SHISA9: variants seen among roughly 807,000 people sequenced by gnomAD.
SHISA9 encodes shisa family member 9, also known as protein shisa-9.
In SHISA9, 13 loss-of-function variants were observed where a neutral mutation model predicts 38.0. The ratio of observed to expected loss-of-function variants is 0.34; its 90% CI spans 0.22 to 0.54. The LOEUF (loss-of-function observed/expected upper bound fraction) is 0.54. SHISA9 is among the 20% of genes least tolerant of loss of function. SHISA9 has a pLI of 0.91. For missense variants in SHISA9, 538 were observed against 575.8 expected, an observed-to-expected ratio of 0.93 and a Z score of 0.67; for synonymous variants, 275 against 242.0, an observed-to-expected ratio of 1.14 and a Z score of -1.27.
At chr16:13,071,203 T>G (rs2073509664) in intron 2 of SHISA9, among the ~76,000 whole-genome samples, 1 of 152,156 alleles carries the variant, frequency 6.6e-6, no homozygotes, top group Non-Finnish European at 1.5e-5. Flanking sequence ...ATTTTACAAT[T>G]TAAAAAAAAG....
chr16:13,195,893 G>C (rs951210807), intron 2 of SHISA9, among the ~76,000 whole-genome samples: 2 of 151,332 alleles, frequency 1.3e-5, no homozygotes. Flanking sequence ...TTCAAGATCA[G>C]CTTGGCCAAC....
the SHISA9 span, among the ~76,000 whole-genome samples, chr16:13,506,992 A>G: frequency 3.3e-5 from 5 of 152,024 alleles, no homozygotes; most frequent in East Asian, 1.9e-4. Context: ...GCAGTGAGCT[A>G]TGATTGTACC....
At chr16:13,280,462 C>A in the SHISA9 span, among the ~76,000 whole-genome samples, 1 of 151,670 alleles carries the variant, frequency 6.6e-6, no homozygotes, top group African/African-American at 2.4e-5. Flanking sequence ...GGACTGCTTT[C>A]ATTGAATCTC....
At chr16:13,110,363 G>A (rs1406121078) in intron 2 of SHISA9, among the ~76,000 whole-genome samples, 1 of 152,188 alleles carries the variant, frequency 6.6e-6, no homozygotes, top group Non-Finnish European at 1.5e-5. Flanking sequence ...CAGATGCAGT[G>A]GCTGTAAAAG....
intron 2 of SHISA9, among the ~76,000 whole-genome samples, chr16:13,135,390 T>A (rs998479927): frequency 6.6e-6 from 1 of 152,148 alleles, no homozygotes; most frequent in Non-Finnish European, 1.5e-5. Flanking sequence ...AACTAACAGC[T>A]CCTTCATCTG....
At chr16:13,136,396 CTTTTTT>C (rs35122409) in intron 2 of SHISA9, among the ~76,000 whole-genome samples, 1 of 68,090 alleles carries the variant, frequency 1.5e-5, no homozygotes, top group Non-Finnish European at 2.7e-5. Flanking sequence ...CAGTTTCCTT[CTTTTTT>C]TTTTTTTTTT....
At chr16:13,032,137 G>C (rs6498370) in intron 2 of SHISA9, among the ~76,000 whole-genome samples, 1 of 151,934 alleles carries the variant, frequency 6.6e-6, no homozygotes, top group Non-Finnish European at 1.5e-5. Context: ...TAAGCCCCGC[G>C]TGCATTAGGT....
chr16:13,279,068 C>T, the SHISA9 span, among the ~76,000 whole-genome samples: 1 of 151,942 alleles, frequency 6.6e-6, no homozygotes, highest in Non-Finnish European at 1.5e-5. Flanking sequence ...TTCCTCTTTG[C>T]ACTGCCTTTG....
chr16:13,391,978 T>C, the SHISA9 span, among the ~76,000 whole-genome samples: 22 of 152,314 alleles, frequency 1.4e-4, no homozygotes, highest in Non-Finnish European at 5.9e-5. Flanking sequence ...TGTCTGATGG[T>C]CCCGGTTTGC....
intron 2 of SHISA9, among the ~76,000 whole-genome samples, chr16:12,986,571 G>C (rs1222026890): frequency 6.6e-6 from 1 of 152,182 alleles, no homozygotes; most frequent in Non-Finnish European, 1.5e-5. Flanking sequence ...GGTCTTTTCA[G>C]ACTGGATATT....
the SHISA9 span, among the ~76,000 whole-genome samples, chr16:13,479,945 G>A: frequency 2.0e-3 from 307 of 152,256 alleles, 1 homozygote; most frequent in African/African-American, 7.0e-3. Flanking sequence ...CTTAGGAGGC[G>A]GACTGACCTG....
At chr16:12,937,497 A>G (rs1171394039) in intron 2 of SHISA9, among the ~76,000 whole-genome samples, 1 of 152,244 alleles carries the variant, frequency 6.6e-6, no homozygotes. Context: ...TTGGCCTAAC[A>G]AAATAACACA....
At chr16:13,074,658 T>G (rs2073559612) in intron 2 of SHISA9, among the ~76,000 whole-genome samples, 1 of 151,394 alleles carries the variant, frequency 6.6e-6, no homozygotes, top group African/African-American at 2.4e-5. Flanking sequence ...TCTTTTCTCT[T>G]TTTCTTTTTC....
At chr16:13,422,630 A>T in the SHISA9 span, among the ~76,000 whole-genome samples, 1 of 152,192 alleles carries the variant, frequency 6.6e-6, no homozygotes, top group Non-Finnish European at 1.5e-5. Flanking sequence ...TGAGAGGCGG[A>T]GGTTGCAGTG....
chr16:13,094,998 C>G (rs1322864913), intron 2 of SHISA9, among the ~76,000 whole-genome samples: 1 of 152,194 alleles, frequency 6.6e-6, no homozygotes, highest in Admixed American at 6.5e-5. Context: ...CCGTTTCCTC[C>G]TCTCCTTCCC....
chr16:13,133,157 G>C (rs1424887358), intron 2 of SHISA9, among the ~76,000 whole-genome samples: 1 of 152,150 alleles, frequency 6.6e-6, no homozygotes, highest in East Asian at 1.9e-4. Context: ...CCCCAGACTG[G>C]GACTACAGAG....
At chr16:13,135,960 C>A (rs1174758452) in intron 2 of SHISA9, among the ~76,000 whole-genome samples, 1 of 152,144 alleles carries the variant, frequency 6.6e-6, no homozygotes, top group Non-Finnish European at 1.5e-5. Flanking sequence ...CAGTCCCAGG[C>A]CATTTGAAAC....
intron 4 of SHISA9, among the ~76,000 whole-genome samples, chr16:13,213,513 G>A (rs1485987826): frequency 6.6e-6 from 1 of 152,118 alleles, no homozygotes; most frequent in African/African-American, 2.4e-5. Context: ...CAACGTGGTA[G>A]CCCTCACTTC....
the SHISA9 span, among the ~76,000 whole-genome samples, chr16:13,253,409 T>G: frequency 6.6e-6 from 1 of 152,306 alleles, no homozygotes; most frequent in South Asian, 2.1e-4. Context: ...TGTGTTAGTC[T>G]GTTCTCCACT....
Sources: allele counts gnomAD v4.1 joint callset (sites outside exome capture counted in the v4.1 genomes callset), GRCh38; gene constraint gnomAD v4.1.1; transcripts MANE v1.5; gene names NCBI Gene and HGNC (gene_info 2026-07-23, HGNC 2026-07-21).